The following ULK4 variants were observed in gnomAD, a reference collection of about 807,000 sequenced individuals.
The protein encoded by ULK4 is inactive serine/threonine-protein kinase ULK4.
In ULK4, 133 loss-of-function variants were observed where a neutral mutation model predicts 160.6. The ratio of observed to expected loss-of-function variants is 0.83; its 90% CI spans 0.72 to 0.96. ULK4 has a LOEUF of 0.96. ULK4 is among the 40% of genes least tolerant of loss of function. ULK4 has a pLI of 0.00. For synonymous variants in ULK4, 534 were observed against 539.8 expected (o/e 0.99, Z 0.15); for missense variants, 1,580 against 1,499.5 (o/e 1.05, Z -0.89).
chr3:41,831,596 T>C (rs1385951107), intron 18 of ULK4, among the ~76,000 whole-genome samples: 5 of 151,630 alleles, frequency 3.3e-5, no homozygotes, highest in African/African-American at 1.2e-4. Flanking sequence ...GTTTGTTACA[T>C]AGGTATACGT....
chr3:41,451,768 G>A (rs566659136), intron 34 of ULK4, among the ~76,000 whole-genome samples: 18 of 152,242 alleles, frequency 1.2e-4, no homozygotes, highest in African/African-American at 4.3e-4. Context: ...CTAATATAAG[G>A]TTGAACCAAA....
At chr3:41,315,157 A>C (rs2080122849) in intron 35 of ULK4, among the ~76,000 whole-genome samples, 1 of 152,198 alleles carries the variant, frequency 6.6e-6, no homozygotes, top group African/African-American at 2.4e-5. Flanking sequence ...TCTTATTAGA[A>C]GACAGATTCT....
chr3:41,512,808 T>G (rs1426413354), intron 32 of ULK4, among the ~76,000 whole-genome samples: 1 of 152,024 alleles, frequency 6.6e-6, no homozygotes, highest in Non-Finnish European at 1.5e-5. Flanking sequence ...AGAAAAGAAC[T>G]GCATAGCCAA....
chr3:41,739,570 CTCAGAAAACTGAGGAA>C (rs1421770536), intron 22 of ULK4, among the ~76,000 whole-genome samples: 2 of 151,992 alleles, frequency 1.3e-5, no homozygotes, highest in African/African-American at 4.8e-5. Flanking sequence ...TGGTCAGGAA[CTCAGAAAACTGAGGAA>C]TTTGAAAACT....
chr3:41,324,535 C>A (rs1675562867), intron 35 of ULK4, among the ~76,000 whole-genome samples: 2 of 152,126 alleles, frequency 1.3e-5, no homozygotes, highest in Admixed American at 1.3e-4. Context: ...ATAAAACTAC[C>A]ATCAGGTAGA....
chr3:41,706,800 C>T (rs1043029888), intron 25 of ULK4, among the ~76,000 whole-genome samples: 41 of 145,896 alleles, frequency 2.8e-4, no homozygotes, highest in African/African-American at 1.0e-3. Context: ...TGCAGTCCAG[C>T]CTGGCCGACA....
At chr3:41,585,047 C>T (rs1276302938) in intron 31 of ULK4, among the ~76,000 whole-genome samples, 1 of 152,056 alleles carries the variant, frequency 6.6e-6, no homozygotes, top group Non-Finnish European at 1.5e-5. Context: ...ATCCTGTGTT[C>T]ATAGATCAAA....
At chr3:41,953,304 A>ATTTTTTTT (rs60007502) in intron 2 of ULK4, among the ~76,000 whole-genome samples, 16 of 124,792 alleles carry the variant, frequency 1.3e-4, no homozygotes, top group African/African-American at 4.7e-4. Flanking sequence ...ATATATATAT[A>ATTTTTTTT]TTTTTTTTTT....
At chr3:41,703,831 C>T (rs1239131739) in intron 27 of ULK4, among the ~76,000 whole-genome samples, 1 of 112,490 alleles carries the variant, frequency 8.9e-6, no homozygotes, top group East Asian at 2.7e-4. Context: ...ATTTAATGCG[C>T]ATGCACACAC....
chr3:41,706,168 G>C (rs79005057), intron 25 of ULK4, among the ~76,000 whole-genome samples: 1,769 of 151,758 alleles, frequency 0.012, 27 homozygotes, highest in South Asian at 0.041. Flanking sequence ...TTAGTAGCTC[G>C]GCTGTGAGCT....
intron 25 of ULK4, among the ~76,000 whole-genome samples, chr3:41,708,751 C>G (rs1024542804): frequency 6.6e-6 from 1 of 152,044 alleles, no homozygotes; most frequent in African/African-American, 2.4e-5. Context: ...TTTCTCACCA[C>G]AAAAACAAAT....
chr3:41,873,835 T>C (rs1645089520), intron 17 of ULK4, among the ~76,000 whole-genome samples: 1 of 151,830 alleles, frequency 6.6e-6, no homozygotes. Flanking sequence ...ATTACAGGCA[T>C]GAGCCACCGC....
chr3:41,562,556 G>A (rs1320424180), intron 32 of ULK4, among the ~76,000 whole-genome samples: 1 of 152,200 alleles, frequency 6.6e-6, no homozygotes, highest in Non-Finnish European at 1.5e-5. Context: ...TGTATTAGGT[G>A]CATATATATT....
intron 32 of ULK4, among the ~76,000 whole-genome samples, chr3:41,490,126 A>G (rs999100889): frequency 6.6e-6 from 1 of 152,098 alleles, no homozygotes; most frequent in African/African-American, 2.4e-5. Flanking sequence ...TCCTTTCTTG[A>G]TCCAGTTCTG....
chr3:41,640,274 A>G (rs1200220139), intron 30 of ULK4, among the ~76,000 whole-genome samples: 1 of 152,204 alleles, frequency 6.6e-6, no homozygotes, highest in African/African-American at 2.4e-5. Context: ...GTAGCTCTAT[A>G]CAAGTGAGTC....
At chr3:41,695,765 T>C (rs972880913) in intron 27 of ULK4, among the ~76,000 whole-genome samples, 21 of 152,150 alleles carry the variant, frequency 1.4e-4, no homozygotes, top group Non-Finnish European at 2.8e-4. Context: ...ACAAGAGTTA[T>C]ACTAGATCTA....
At chr3:41,622,941 T>C (rs1559439547) in intron 30 of ULK4, among the ~76,000 whole-genome samples, 3 of 152,010 alleles carry the variant, frequency 2.0e-5, no homozygotes, top group Non-Finnish European at 4.4e-5. Flanking sequence ...ATAAAGAATA[T>C]AGAAAGAAAT....
intron 5 of ULK4, among the ~76,000 whole-genome samples, chr3:41,928,380 T>C (rs550493389): frequency 7.2e-5 from 11 of 152,108 alleles, no homozygotes; most frequent in Non-Finnish European, 1.5e-4. Context: ...CAGCACTAAA[T>C]GCCCACAAGA....
At chr3:41,370,587 G>T (rs1270663768) in intron 35 of ULK4, among the ~76,000 whole-genome samples, 1 of 152,194 alleles carries the variant, frequency 6.6e-6, no homozygotes, top group Non-Finnish European at 1.5e-5. Flanking sequence ...GCCAAGGGAA[G>T]CCATGAGGGA....
Sources: allele counts gnomAD v4.1 joint callset (sites outside exome capture counted in the v4.1 genomes callset), GRCh38; gene constraint gnomAD v4.1.1; transcripts MANE v1.5; gene names NCBI Gene and HGNC (gene_info 2026-07-23, HGNC 2026-07-21).